C19orf47: variants seen among roughly 807,000 people sequenced by gnomAD.
C19orf47 encodes the protein chromosome 19 open reading frame 47, also known as uncharacterized protein C19orf47.
In C19orf47, 18 loss-of-function variants were observed where a neutral mutation model predicts 32.3. That is an observed-to-expected ratio of 0.56 (90% CI 0.39 to 0.83). The LOEUF (loss-of-function observed/expected upper bound fraction) is 0.83, where lower values mean the gene tolerates loss of function less well. C19orf47 is among the 40% of genes least tolerant of loss of function. C19orf47 has a pLI of 0.00. For missense variants in C19orf47, 484 were observed against 531.6 expected (o/e 0.91, Z 0.88); for synonymous variants, 202 against 211.1 (o/e 0.96, Z 0.37).
chr19:40,318,304 G>C (rs956048945), downstream of C19orf47, among the ~76,000 whole-genome samples: 2 of 152,104 alleles, frequency 1.3e-5, no homozygotes, highest in African/African-American at 2.4e-5. Context: ...TGCTCCCTGG[G>C]GTCAAACTCA....
At chr19:40,337,282 G>A (rs535819077) in intron 2 of C19orf47, among the ~76,000 whole-genome samples, 400 of 108,118 alleles carry the variant, frequency 3.7e-3, no homozygotes, top group Non-Finnish European at 5.8e-3. Flanking sequence ...CTCAAACCAT[G>A]ACAGCAATTA....
the C19orf47 span, among the ~76,000 whole-genome samples, chr19:40,310,106 T>C: frequency 3.3e-5 from 5 of 152,016 alleles, no homozygotes; most frequent in Non-Finnish European, 7.4e-5. Context: ...AGCCCAAAAG[T>C]ATAAACAACC....
Position 40,322,181 on chromosome 19 carries a change from C to A in C19orf47, c.859G>T (p.Ala287Ser), listed in dbSNP as rs2077733553. ...KAKATSSATT[A>S]AAPTLRRLAL... ...AGGCGCCGCAGTGTCGGGGCAGCAG[C>A]CGTTGTCGCTGAGCTTGTGGCCTTG... Residue 287 changes from alanine to serine, a missense_variant, in exon 9 of 9, where the codon GCT becomes TCT. By Grantham distance (99) the Ala-to-Ser change is moderately conservative (BLOSUM62 1). Transcript: ENST00000683109. The A allele has an allele frequency of 6.2e-7, 1 of 1,612,274 alleles. No individual in the cohort carries two copies. The highest frequency in any genetic ancestry group is 8.5e-7 in the Non-Finnish European group (1 of 1,179,822).
chr19:40,340,589 G>A (rs964656312), intron 2 of C19orf47, among the ~76,000 whole-genome samples: 1 of 151,786 alleles, frequency 6.6e-6, no homozygotes, highest in Non-Finnish European at 1.5e-5. Context: ...GCTGAGGCAG[G>A]AGAATGGCGT....
chr19:40,333,862 C>T lies in C19orf47; in HGVS notation c.290G>A (p.Arg97His), dbSNP rs562725113. 28 of 1,573,806 alleles carry T rather than the reference C, an allele frequency of 1.8e-5. No homozygotes were observed. The highest frequency in any genetic ancestry group is 9.2e-5 in the East Asian group (4 of 43,530). The change falls in exon 5 of 9, where the codon CGT becomes CAT. Residue 97 changes from arginine (R) to histidine (H), a missense_variant. This residue lies in a region of C19orf47 where 376 missense variants were observed against 370.2 expected (regional missense o/e 1.02). Coordinates refer to ENST00000683109, the MANE Select transcript of C19orf47 (RefSeq NM_001256441.2). ...SPSPLAGEIR[R>H]GTSAASRMIT... ...TAGTTAGGACTCACCACTGGTGCCACGGCGAATTTCGCCTGCAAGGGGGCT... is the reference window on the plus strand; with the variant it reads ...TAGTTAGGACTCACCACTGGTGCCATGGCGAATTTCGCCTGCAAGGGGGCT...
intron 8 of C19orf47, 54 bp from the exon 9 acceptor site, chr19:40,322,430 C>T: frequency 6.7e-7 from 1 of 1,500,080 alleles, no homozygotes. Flanking sequence ...AACACACATT[C>T]ATGGAGAGCT....
chr19:40,319,406 C>T (rs1392205356), downstream of C19orf47: 2 of 153,654 alleles, frequency 1.3e-5, no homozygotes, highest in Non-Finnish European at 2.9e-5. Context: ...CTCATTAATT[C>T]TCCTCCAACC....
Position 40,341,868 on chromosome 19 carries a change from G to T in C19orf47, c.-11C>A. The T allele has an allele frequency of 6.5e-7, 1 of 1,536,216 alleles. No homozygotes were observed. The highest frequency in any genetic ancestry group is 2.4e-5 in the East Asian group (1 of 40,920). The stretch of plus-strand genomic sequence containing the variant: ...AGTCACGGAGACCATCGTCTCCCTG[G>T]CCCTGACACTGCTCCCTGGAGCCTG... On this transcript the variant is annotated 5_prime_UTR_variant, in exon 2 of 9. Coordinates refer to ENST00000683109, the MANE Select transcript of C19orf47 (RefSeq NM_001256441.2).
chr19:40,328,599 G>A, intron 5 of C19orf47, 49 bp from the exon 6 acceptor site: 1 of 1,560,934 alleles, frequency 6.4e-7, no homozygotes, highest in Non-Finnish European at 8.6e-7. Context: ...TGGAAGACAG[G>A]CCTCAATCCA....
chr19:40,346,280 T>C (rs1427107337), intron 1 of C19orf47, among the ~76,000 whole-genome samples: 3 of 144,762 alleles, frequency 2.1e-5, no homozygotes, highest in Non-Finnish European at 3.0e-5. Flanking sequence ...CCCTCTCTAC[T>C]AAAAATACAA....
chr19:40,341,786 C>G, intron 2 of C19orf47, 53 bp downstream of exon 2: 1 of 1,535,530 alleles, frequency 6.5e-7, no homozygotes, highest in Non-Finnish European at 8.7e-7. Context: ...AAGGCCATAC[C>G]TCAAAAAGGG....
intron 5 of C19orf47, among the ~76,000 whole-genome samples, chr19:40,330,435 G>A (rs1310459112): frequency 6.7e-6 from 1 of 150,092 alleles, no homozygotes; most frequent in Non-Finnish European, 1.5e-5. Context: ...GTTTCACCAT[G>A]TTAGCCAGGA....
the C19orf47 span, among the ~76,000 whole-genome samples, chr19:40,294,716 C>T: frequency 1.3e-5 from 2 of 152,310 alleles, no homozygotes; most frequent in Middle Eastern, 6.8e-3. Flanking sequence ...AACACTCTGG[C>T]CTCTGCCAGC....
the C19orf47 span, among the ~76,000 whole-genome samples, chr19:40,311,927 G>T: frequency 6.6e-6 from 1 of 152,144 alleles, no homozygotes; most frequent in Non-Finnish European, 1.5e-5. Context: ...AAAGTGCAGG[G>T]ATTACAGGTG....
intron 2 of C19orf47, among the ~76,000 whole-genome samples, chr19:40,336,639 A>G (rs1310243266): frequency 2.0e-5 from 3 of 152,132 alleles, no homozygotes; most frequent in African/African-American, 7.2e-5. Context: ...AAGGTTGGGC[A>G]ACCCACCCCA....
chr19:40,345,668 C>G (rs1240633802), intron 1 of C19orf47, among the ~76,000 whole-genome samples: 3 of 148,500 alleles, frequency 2.0e-5, no homozygotes, highest in Non-Finnish European at 4.5e-5. Flanking sequence ...ATGGTGAAAC[C>G]CCATCTCTAC....
chr19:40,324,892 C>T (rs1600171642), intron 7 of C19orf47, among the ~76,000 whole-genome samples: 1 of 150,780 alleles, frequency 6.6e-6, no homozygotes, highest in Non-Finnish European at 1.5e-5. Context: ...CCCAGGAGGT[C>T]GAGGCTGCAG....
intron 1 of C19orf47, among the ~76,000 whole-genome samples, chr19:40,346,271 C>T (rs1429435268): frequency 6.7e-6 from 1 of 149,852 alleles, no homozygotes; most frequent in Non-Finnish European, 1.5e-5. Flanking sequence ...TAGTGAAACC[C>T]CTCTCTACTA....
the C19orf47 span, among the ~76,000 whole-genome samples, chr19:40,312,049 A>G: frequency 1.4e-4 from 22 of 152,236 alleles, no homozygotes; most frequent in Non-Finnish European, 2.5e-4. Flanking sequence ...CCCACATCCA[A>G]TATGTAAAAC....
Sources: allele counts gnomAD v4.1 joint callset (sites outside exome capture counted in the v4.1 genomes callset), GRCh38; gene constraint gnomAD v4.1.1; regional missense constraint gnomAD v4.1.1; transcripts MANE v1.5; gene names NCBI Gene and HGNC (gene_info 2026-07-23, HGNC 2026-07-21).